Variants in C10orf143 observed in about 807,000 individuals in gnomAD.
C10orf143 encodes uncharacterized protein C10orf143.
At chr10:130,107,892 C>T in intron 1 of C10orf143, 1 of 1,301,054 alleles carries the variant, frequency 7.7e-7, no homozygotes, top group South Asian at 1.2e-5. Flanking sequence ...CTTGATTCAG[C>T]TCTTCCTCCA....
At chr10:130,075,078 T>C (rs573243608) in intron 3 of C10orf143, among the ~76,000 whole-genome samples, 2 of 152,170 alleles carry the variant, frequency 1.3e-5, no homozygotes, top group East Asian at 3.9e-4. Flanking sequence ...CCTTTGCTAT[T>C]TGCCCTCAAT....
intron 1 of C10orf143, among the ~76,000 whole-genome samples, chr10:130,080,400 G>T (rs1240893165): frequency 1.3e-5 from 2 of 152,202 alleles, no homozygotes. Context: ...CTTTGGGAAA[G>T]TTAGCATTTG....
chr10:130,098,065 G>A (rs1431766414), intron 1 of C10orf143, among the ~76,000 whole-genome samples: 4 of 151,634 alleles, frequency 2.6e-5, no homozygotes, highest in African/African-American at 9.7e-5. Context: ...GCTCACACCT[G>A]TAATCCCAAC....
chr10:130,063,092 G>A (rs894751677), downstream of C10orf143, among the ~76,000 whole-genome samples: 6 of 152,236 alleles, frequency 3.9e-5, no homozygotes, highest in East Asian at 7.8e-4. Flanking sequence ...TCTGAAGCGG[G>A]GGCATTTTCC....
chr10:130,045,052 G>A (rs1044479917), intron 3 of C10orf143, among the ~76,000 whole-genome samples: 6 of 152,064 alleles, frequency 3.9e-5, no homozygotes, highest in Admixed American at 1.3e-4. Context: ...CTGTCCCCCC[G>A]TCCCCTCTGT....
At chr10:130,079,013 A>AC (rs1283751295) in intron 3 of C10orf143, among the ~76,000 whole-genome samples, 1 of 152,248 alleles carries the variant, frequency 6.6e-6, no homozygotes, top group Non-Finnish European at 1.5e-5. Flanking sequence ...AAAATTAATA[A>AC]CAAAGGTATT....
At chr10:130,049,797 G>A (rs1860716371) in intron 3 of C10orf143, among the ~76,000 whole-genome samples, 1 of 152,132 alleles carries the variant, frequency 6.6e-6, no homozygotes, top group African/African-American at 2.4e-5. Flanking sequence ...TTTTAGAATT[G>A]GAAGACCTCA....
chr10:130,098,408 T>A (rs561716604), intron 1 of C10orf143, among the ~76,000 whole-genome samples: 3 of 152,196 alleles, frequency 2.0e-5, no homozygotes, highest in Non-Finnish European at 4.4e-5. Context: ...ATAGTAGCTA[T>A]GTGATGATAA....
intron 1 of C10orf143, among the ~76,000 whole-genome samples, chr10:130,095,605 T>A (rs1219464535): frequency 6.6e-6 from 1 of 152,008 alleles, no homozygotes; most frequent in Non-Finnish European, 1.5e-5. Context: ...TACAGACCAA[T>A]GGAACAGAAC....
chr10:130,091,807 A>G (rs1371385836), intron 1 of C10orf143, among the ~76,000 whole-genome samples: 3 of 151,292 alleles, frequency 2.0e-5, no homozygotes, highest in Non-Finnish European at 4.4e-5. Flanking sequence ...AAGCCAAAGA[A>G]AGGATATCAG....
intron 1 of C10orf143, among the ~76,000 whole-genome samples, chr10:130,083,148 A>G (rs368236005): frequency 1.3e-5 from 2 of 152,360 alleles, no homozygotes; most frequent in South Asian, 4.1e-4. Flanking sequence ...TAAAAAAGCT[A>G]TTAAAATGGT....
intron 1 of C10orf143, among the ~76,000 whole-genome samples, chr10:130,109,655 C>A (rs1861725457): frequency 6.6e-6 from 1 of 152,014 alleles, no homozygotes; most frequent in African/African-American, 2.4e-5. Flanking sequence ...CAATTGGTAC[C>A]TGGAGGAGGG....
intron 1 of C10orf143, chr10:130,107,514 A>C (rs752197116): frequency 7.4e-6 from 10 of 1,358,334 alleles, no homozygotes; most frequent in Non-Finnish European, 1.1e-5. Context: ...GCTGAAACAG[A>C]GTATAAAATA....
chr10:130,049,033 C>T (rs935643235), intron 3 of C10orf143, among the ~76,000 whole-genome samples: 4 of 152,164 alleles, frequency 2.6e-5, no homozygotes, highest in Non-Finnish European at 2.9e-5. Context: ...CAAATGCAGA[C>T]GCTCTGAAAT....
chr10:130,101,353 T>C (rs1480264319), intron 1 of C10orf143: 1 of 152,104 alleles, frequency 6.6e-6, no homozygotes, highest in Non-Finnish European at 1.5e-5. Flanking sequence ...GAGCACGTGA[T>C]GAGCAGTTCA....
intron 1 of C10orf143, chr10:130,107,091 C>G: frequency 1.3e-6 from 2 of 1,586,370 alleles, no homozygotes. Flanking sequence ...GAAGAGCTTA[C>G]AGAGCATATT....
Position 130,064,271 on chromosome 10 carries a change from C to T in C10orf143, c.*83G>A, listed in dbSNP as rs1860893720. 2.5e-6 allele frequency: 1 copy of T among 397,772 alleles called. No individual in the cohort carries two copies. Among genetic ancestry groups the T allele is most frequent in the African/African-American group, 2.1e-5 (1 of 48,578 alleles). 24.6% of individuals were successfully genotyped at this position (397,772 alleles called of 1,614,324 possible). A position where few individuals can be genotyped will look rare whatever the true frequency, so the allele number is the denominator to read the frequency against. Reference sequence around the variant, plus strand: ...TATTTGAACAGGTAAGTCCCCAAACCCATCTGTAGGAGATTCACATTTGCT... The same window carrying T: ...TATTTGAACAGGTAAGTCCCCAAACTCATCTGTAGGAGATTCACATTTGCT... On this transcript the variant is annotated 3_prime_UTR_variant, in exon 4 of 4. Coordinates refer to ENST00000637128, the MANE Select transcript of C10orf143 (RefSeq NM_001355042.2).
chr10:130,061,707 A>G (rs999372549), downstream of C10orf143, among the ~76,000 whole-genome samples: 7 of 152,252 alleles, frequency 4.6e-5, no homozygotes, highest in Non-Finnish European at 7.3e-5. Context: ...TAAAGGGATA[A>G]TCCCATTTCA....
intron 3 of C10orf143, among the ~76,000 whole-genome samples, chr10:130,077,221 G>A (rs1861132809): frequency 6.6e-6 from 1 of 152,100 alleles, no homozygotes; most frequent in Admixed American, 6.5e-5. Context: ...GTCTACCGAG[G>A]AAGTCCTTGC....
Sources: gnomAD v4.1 joint callset for allele counts (sites outside exome capture counted in the v4.1 genomes callset) on GRCh38, gnomAD v4.1.1 for gene constraint, MANE v1.5 for transcripts, NCBI Gene and HGNC (gene_info 2026-07-23, HGNC 2026-07-21) for gene names.